The following PCDH9 variants were observed in gnomAD, a reference collection of about 807,000 sequenced individuals.
The protein encoded by PCDH9 is protocadherin 9.
In PCDH9, 24 loss-of-function variants were observed where a neutral mutation model predicts 70.6. The ratio of observed to expected loss-of-function variants is 0.34; its 90% CI spans 0.25 to 0.48. The LOEUF (loss-of-function observed/expected upper bound fraction) is 0.48, where lower values mean the gene tolerates loss of function less well. Ranked by LOEUF, PCDH9 falls within the 20% of genes least tolerant of loss-of-function variation. The pLI, the probability that PCDH9 is intolerant of heterozygous loss-of-function variation, is 0.99. For missense variants in PCDH9, 1,281 were observed against 1,503.6 expected (o/e 0.85, Z 2.45); for synonymous variants, 562 against 558.5 (o/e 1.01, Z -0.09).
intron 2 of PCDH9, among the ~76,000 whole-genome samples, chr13:67,085,633 G>C (rs1305512806): frequency 6.6e-6 from 1 of 152,186 alleles, no homozygotes; most frequent in Non-Finnish European, 1.5e-5. Flanking sequence ...CAAACAGAGA[G>C]AGACAAGTTA....
intron 2 of PCDH9, among the ~76,000 whole-genome samples, chr13:66,951,920 C>T (rs951064431): frequency 6.6e-6 from 1 of 151,916 alleles, no homozygotes; most frequent in Admixed American, 6.6e-5. Flanking sequence ...TATGTTAATC[C>T]CCTTCCTATA....
At chr13:66,363,202 A>T (rs1368294433) in intron 4 of PCDH9, among the ~76,000 whole-genome samples, 1 of 152,098 alleles carries the variant, frequency 6.6e-6, no homozygotes, top group Non-Finnish European at 1.5e-5. Context: ...AAAGAGATAC[A>T]ACTTGTGTAA....
At chr13:66,722,123 T>G (rs1017984709) in intron 3 of PCDH9, among the ~76,000 whole-genome samples, 4 of 152,200 alleles carry the variant, frequency 2.6e-5, no homozygotes, top group Admixed American at 6.5e-5. Flanking sequence ...ATCACGGACA[T>G]TTGCCAGTAC....
intron 4 of PCDH9, among the ~76,000 whole-genome samples, chr13:66,462,432 A>G (rs145713966): frequency 2.6e-4 from 39 of 152,052 alleles, no homozygotes; most frequent in African/African-American, 9.1e-4. Context: ...TGTTTGCCTA[A>G]GAATGAATTC....
At chr13:66,357,398 G>A (rs1956401525) in intron 4 of PCDH9, among the ~76,000 whole-genome samples, 1 of 152,030 alleles carries the variant, frequency 6.6e-6, no homozygotes, top group South Asian at 2.1e-4. Context: ...TTGAAAGGCA[G>A]GTTGTTAGGG....
intron 4 of PCDH9, among the ~76,000 whole-genome samples, chr13:66,345,673 G>A (rs1956202043): frequency 6.6e-6 from 1 of 152,174 alleles, no homozygotes; most frequent in South Asian, 2.1e-4. Context: ...GCATAAGGTT[G>A]ATTTGGACCT....
intron 2 of PCDH9, among the ~76,000 whole-genome samples, chr13:67,140,965 T>A (rs2087370374): frequency 6.6e-6 from 1 of 152,198 alleles, no homozygotes; most frequent in African/African-American, 2.4e-5. Context: ...CTCATTTTTT[T>A]CTGTAATATT....
chr13:66,497,526 T>A (rs1251982378), intron 4 of PCDH9, among the ~76,000 whole-genome samples: 2 of 152,208 alleles, frequency 1.3e-5, no homozygotes, highest in Admixed American at 1.3e-4. Flanking sequence ...TCTGAATTTA[T>A]GCTAAAAAAT....
rs377641456 is a variant in PCDH9 at position 66,944,817 on chromosome 13, C to G, written c.3037-41212G>C. Among the ~76,000 whole-genome samples, 46 of 135,450 alleles carry G rather than the reference C, an allele frequency of 3.4e-4. 1 individual carries two copies. Among genetic ancestry groups the G allele is most frequent in the East Asian group, 3.3e-3 (15 of 4,544 alleles). 88.9% of individuals were successfully genotyped at this position (135,450 alleles called of 152,430 possible). ...TTTAAGGCCCATCTTCTAATCGTCTCTGTGTGTGTGTGTGTGTGTGTGTGT... is the reference window on the plus strand; with the variant it reads ...TTTAAGGCCCATCTTCTAATCGTCTGTGTGTGTGTGTGTGTGTGTGTGTGT... On this transcript the variant is annotated intron_variant, in intron 2 of 4. Coordinates refer to ENST00000377865, the MANE Select transcript of PCDH9 (RefSeq NM_203487.3).
chr13:66,731,302 T>C (rs1239579490), intron 3 of PCDH9, among the ~76,000 whole-genome samples: 1 of 152,092 alleles, frequency 6.6e-6, no homozygotes, highest in East Asian at 1.9e-4. Context: ...ATATAAAGGA[T>C]TGGTGTCAAA....
chr13:66,350,154 A>T (rs146051221), intron 4 of PCDH9, among the ~76,000 whole-genome samples: 62 of 152,166 alleles, frequency 4.1e-4, no homozygotes, highest in Non-Finnish European at 6.6e-4. Flanking sequence ...TTTCAAGTCA[A>T]AAATAAGTAA....
At chr13:67,061,369 T>C (rs1184841936) in intron 2 of PCDH9, among the ~76,000 whole-genome samples, 1 of 128,304 alleles carries the variant, frequency 7.8e-6, no homozygotes, top group African/African-American at 2.8e-5. Flanking sequence ...AACCATATCT[T>C]TCTGTCTGTC....
At chr13:66,790,683 C>T (rs1325129983) in intron 3 of PCDH9, among the ~76,000 whole-genome samples, 1 of 151,994 alleles carries the variant, frequency 6.6e-6, no homozygotes, top group Non-Finnish European at 1.5e-5. Flanking sequence ...TTTCCCATGA[C>T]ATAAATTGCC....
At chr13:67,193,706 T>C (rs1171980319) in intron 2 of PCDH9, among the ~76,000 whole-genome samples, 1 of 152,144 alleles carries the variant, frequency 6.6e-6, no homozygotes, top group Non-Finnish European at 1.5e-5. Context: ...GATCTTTACT[T>C]ACAAGTAATA....
At chr13:66,853,366 C>T (rs928568166) in intron 3 of PCDH9, among the ~76,000 whole-genome samples, 1 of 152,064 alleles carries the variant, frequency 6.6e-6, no homozygotes, top group Non-Finnish European at 1.5e-5. Context: ...CTCAGTGTTT[C>T]CTTCTTTTCA....
chr13:66,910,326 A>T (rs908446863), intron 2 of PCDH9, among the ~76,000 whole-genome samples: 2 of 152,042 alleles, frequency 1.3e-5, no homozygotes, highest in Admixed American at 6.6e-5. Context: ...TAAATAGACC[A>T]GTTGGCTTCC....
chr13:66,964,526 ACCTACTGTGTG>A (rs530660413), intron 2 of PCDH9, among the ~76,000 whole-genome samples: 174 of 152,130 alleles, frequency 1.1e-3, no homozygotes, highest in Non-Finnish European at 1.9e-3. Flanking sequence ...GGTAACATGG[ACCTACTGTGTG>A]CCTTTTATGA....
chr13:66,598,777 A>G (rs944227411), intron 4 of PCDH9, among the ~76,000 whole-genome samples: 3 of 151,874 alleles, frequency 2.0e-5, no homozygotes, highest in African/African-American at 7.2e-5. Context: ...GGGAAAACTA[A>G]CAGATCTTGT....
At chr13:66,709,889 C>G (rs1566520416) in intron 3 of PCDH9, among the ~76,000 whole-genome samples, 1 of 151,944 alleles carries the variant, frequency 6.6e-6, no homozygotes, top group Admixed American at 6.6e-5. Flanking sequence ...GAAGAAATAT[C>G]CATTTTAGGA....
Sources: allele counts gnomAD v4.1 joint callset (sites outside exome capture counted in the v4.1 genomes callset), GRCh38; gene constraint gnomAD v4.1.1; transcripts MANE v1.5; gene names NCBI Gene and HGNC (gene_info 2026-07-23, HGNC 2026-07-21).